The following GBF1 variants were observed in gnomAD, a reference collection of about 807,000 sequenced individuals.
GBF1 encodes golgi brefeldin A resistant guanine nucleotide exchange factor 1.
A neutral mutation model predicts 210.5 loss-of-function variants in GBF1; 114 were observed. The ratio of observed to expected loss-of-function variants is 0.54; its 90% CI spans 0.47 to 0.63. The LOEUF (loss-of-function observed/expected upper bound fraction) is 0.63, where lower values mean the gene tolerates loss of function less well. Ranked by LOEUF, GBF1 falls within the 30% of genes least tolerant of loss-of-function variation. The pLI is 0.00. For synonymous variants in GBF1, 850 were observed against 889.2 expected (o/e 0.96, Z 0.78); for missense variants, 1,851 against 2,357.7 (o/e 0.79, Z 4.45).
intron 4 of GBF1, among the ~76,000 whole-genome samples, chr10:102,350,281 C>T (rs1278052870): frequency 2.0e-5 from 3 of 151,258 alleles, no homozygotes; most frequent in Non-Finnish European, 4.4e-5. Flanking sequence ...ACCTAGGAGA[C>T]GGAGGTTGCA....
At chr10:102,374,381 G>A (rs1188850238) in intron 29 of GBF1, among the ~76,000 whole-genome samples, 1 of 151,784 alleles carries the variant, frequency 6.6e-6, no homozygotes, top group East Asian at 1.9e-4. Context: ...AGATTGCTAA[G>A]GATTAGGGAT....
At chr10:102,299,518 C>T (rs771730132) in intron 3 of GBF1, among the ~76,000 whole-genome samples, 8 of 152,224 alleles carry the variant, frequency 5.3e-5, no homozygotes, top group Non-Finnish European at 1.0e-4. Context: ...CGCAGTGGCT[C>T]ATGCCTGTAA....
chr10:102,325,563 A>AAG (rs2056827163), intron 3 of GBF1, among the ~76,000 whole-genome samples: 1 of 151,710 alleles, frequency 6.6e-6, no homozygotes, highest in Admixed American at 6.6e-5. Flanking sequence ...AAAAAAAAAA[A>AAG]AAAGAAAGAA....
the GBF1 span, among the ~76,000 whole-genome samples, chr10:102,234,242 C>CA: frequency 6.6e-6 from 1 of 152,164 alleles, no homozygotes; most frequent in Admixed American, 6.5e-5. Flanking sequence ...TTCAACAGCT[C>CA]AGAGATCACA....
the GBF1 span, among the ~76,000 whole-genome samples, chr10:102,232,764 C>G: frequency 3.9e-5 from 6 of 152,200 alleles, no homozygotes; most frequent in African/African-American, 1.2e-4. Flanking sequence ...TCCTTCTCAC[C>G]TGAATGCTTA....
the GBF1 span, among the ~76,000 whole-genome samples, chr10:102,240,209 G>T: frequency 1.3e-5 from 2 of 152,240 alleles, no homozygotes; most frequent in African/African-American, 4.8e-5. Flanking sequence ...CCAGGGGCTT[G>T]TACCCAGCTC....
chr10:102,278,849 G>T (rs1318702781), intron 3 of GBF1, among the ~76,000 whole-genome samples: 1 of 152,166 alleles, frequency 6.6e-6, no homozygotes, highest in African/African-American at 2.4e-5. Context: ...AACTGCAGGT[G>T]CTGTTCATTG....
At chr10:102,291,896 T>C (rs1331121407) in intron 3 of GBF1, among the ~76,000 whole-genome samples, 9 of 150,446 alleles carry the variant, frequency 6.0e-5, no homozygotes, top group African/African-American at 2.2e-4. Flanking sequence ...TTTTCTTTTT[T>C]TTTTTTTTTT....
chr10:102,322,481 A>C (rs941153522), intron 3 of GBF1, among the ~76,000 whole-genome samples: 1 of 152,190 alleles, frequency 6.6e-6, no homozygotes, highest in Admixed American at 6.6e-5. Context: ...TAAAGGAAAT[A>C]GGATTTCTCC....
chr10:102,343,454 T>C (rs2058329328), intron 3 of GBF1, among the ~76,000 whole-genome samples: 1 of 152,222 alleles, frequency 6.6e-6, no homozygotes, highest in Non-Finnish European at 1.5e-5. Context: ...TTATTGTTAA[T>C]TTTTAAAAAT....
Position 102,351,863 on chromosome 10 carries a change from A to G in GBF1, c.435A>G (p.Leu145=), listed in dbSNP as rs149566343. The G allele has an allele frequency of 2.1e-5, 34 of 1,601,454 alleles. No homozygotes were observed. In the African/African-American group the frequency reaches 4.3e-4, roughly 20 times the overall value. Residue 145 remains leucine, a synonymous_variant, in exon 6 of 40, where the codon CTA becomes CTG. Transcript: ENST00000369983. ...GATAGGTTCTACGGACTCTGCTGCT[A>G]ACCCCAGTGGGTGCCCACCTAACCA... is the stretch of plus-strand genomic sequence containing the variant. ...KILQVLRTLL[L]TPVGAHLTNE...
chr10:102,252,406 C>T (rs1265421829), intron 1 of GBF1, among the ~76,000 whole-genome samples: 1 of 151,052 alleles, frequency 6.6e-6, no homozygotes, highest in Non-Finnish European at 1.5e-5. Flanking sequence ...GTTCTTAGAA[C>T]CACTGTGATA....
At chr10:102,235,202 C>T in the GBF1 span, among the ~76,000 whole-genome samples, 1 of 147,480 alleles carries the variant, frequency 6.8e-6, no homozygotes, top group Non-Finnish European at 1.5e-5. Flanking sequence ...CTCCCTGGCC[C>T]CTCTGAACCT....
At chr10:102,259,997 C>A in intron 2 of GBF1, 53 bp from the exon 3 acceptor site, 1 of 952,410 alleles carries the variant, frequency 1.0e-6, no homozygotes, top group Non-Finnish European at 1.7e-6. Context: ...CCTTTATTTT[C>A]CTTTTCCTCT....
intron 1 of GBF1, 134 bp from the exon 2 acceptor site, chr10:102,258,779 AAAAAAAAAAAAAAAAG>A (rs1416650071): frequency 0.022 from 6,133 of 282,152 alleles, 320 homozygotes; most frequent in Non-Finnish European, 0.03. Flanking sequence ...TGCCTCAAAA[AAAAAAAAAAAAAAAAG>A]AAAGAAAGAA....
chr10:102,338,904 A>G (rs1326846652), intron 3 of GBF1, among the ~76,000 whole-genome samples: 3 of 152,180 alleles, frequency 2.0e-5, no homozygotes, highest in Non-Finnish European at 4.4e-5. Flanking sequence ...CAACATAGCA[A>G]AGATATCATG....
At chr10:102,238,267 A>C in the GBF1 span, among the ~76,000 whole-genome samples, 4 of 152,168 alleles carry the variant, frequency 2.6e-5, no homozygotes, top group African/African-American at 9.7e-5. Flanking sequence ...AGGAGGCATC[A>C]TTTAGTGTGA....
intron 3 of GBF1, among the ~76,000 whole-genome samples, chr10:102,330,416 G>GCTCA (rs2057247548): frequency 6.6e-6 from 1 of 152,078 alleles, no homozygotes; most frequent in Non-Finnish European, 1.5e-5. Flanking sequence ...GGGTGCAGTG[G>GCTCA]CTCACACCTA....
At chr10:102,352,141 T>G (rs2134811726) in intron 6 of GBF1, among the ~76,000 whole-genome samples, 190 bp downstream of exon 6, 1 of 152,340 alleles carries the variant, frequency 6.6e-6, no homozygotes, top group South Asian at 2.1e-4. Context: ...CTCAGCCCAT[T>G]ATGCCAGGGC....
Sources: gnomAD v4.1 joint callset for allele counts (sites outside exome capture counted in the v4.1 genomes callset) on GRCh38, gnomAD v4.1.1 for gene constraint, MANE v1.5 for transcripts, NCBI Gene and HGNC (gene_info 2026-07-23, HGNC 2026-07-21) for gene names.